TBCD: variants seen among roughly 807,000 people sequenced by gnomAD.
The protein encoded by TBCD is tubulin-specific chaperone D.
A neutral mutation model predicts 169.3 loss-of-function variants in TBCD; 105 were observed. The ratio of observed to expected loss-of-function variants is 0.62; its 90% CI spans 0.53 to 0.73. The LOEUF is 0.73. Ranked by LOEUF, TBCD falls within the 30% of genes least tolerant of loss-of-function variation. The pLI is 0.00. For missense variants in TBCD, 1,444 were observed against 1,600.1 expected (o/e 0.90, Z 1.66); for synonymous variants, 700 against 643.9 (o/e 1.09, Z -1.32).
intron 26 of TBCD, among the ~76,000 whole-genome samples, chr17:82,924,342 T>G (rs10163476): frequency 6.6e-6 from 1 of 152,126 alleles, no homozygotes; most frequent in African/African-American, 2.4e-5. Context: ...TCCTTCTTTA[T>G]GAAAGTAGCA....
At chr17:82,814,757 A>G (rs2051727782) in intron 12 of TBCD, 83 bp from the exon 13 acceptor site, 2 of 1,337,502 alleles carry the variant, frequency 1.5e-6, no homozygotes, top group Non-Finnish European at 2.1e-6. Flanking sequence ...TGGACCTGCC[A>G]GGCTGTGCTC....
Position 82,752,103 on chromosome 17 carries a change from C to T in TBCD, c.-91C>T, listed in dbSNP as rs569401191. On this transcript the variant is annotated 5_prime_UTR_variant, in exon 1 of 39. Transcript: ENST00000355528. ...GCCGCCTTAGCGGGCGCCTCCTTTT[C>T]ATCCCTCATCCTTCATCCCTGGCTT... 18 of 1,325,266 alleles carry T rather than the reference C, an allele frequency of 1.4e-5. No homozygotes were observed. The highest frequency in any genetic ancestry group is 1.8e-5 in the Non-Finnish European group (18 of 1,025,006). The allele number at this position is 1,325,266 out of a possible 1,614,324, so 82.1% of individuals were successfully genotyped here.
chr17:82,778,541 C>T (rs2048741957), intron 6 of TBCD, among the ~76,000 whole-genome samples: 1 of 151,766 alleles, frequency 6.6e-6, no homozygotes, highest in African/African-American at 2.4e-5. Context: ...TTACTGCAAC[C>T]TCCATCTCCT....
At chr17:82,781,483 C>A (rs113137953) in intron 6 of TBCD, 106 bp from the exon 7 acceptor site, 24 of 1,401,588 alleles carry the variant, frequency 1.7e-5, no homozygotes, top group Non-Finnish European at 2.2e-5. Context: ...TGTAAGGGTG[C>A]GTGAGGTGGG....
At position 82,884,565 on chromosome 17, in the gene TBCD, G is replaced by A. The variant is rs180855887; in HGVS notation, c.1533+363G>A. Among the ~76,000 whole-genome samples the A allele has an allele frequency of 2.0e-5, 3 of 152,304 alleles. No homozygotes were observed. The highest frequency in any genetic ancestry group is 1.9e-4 in the East Asian group (1 of 5,188). ...GGTGGCCAGAATGTGGCGGCGGGAC[G>A]GGTCACTCACCGGGTGGCTTTGAGC... On this transcript the variant is annotated intron_variant, in intron 15 of 38. Transcript: ENST00000355528. This position sits in a 1 kb window ranked among gnomAD's most constrained non-coding sequence, Gnocchi z 4.2.
rs573969885 is a variant in TBCD at position 82,925,473 on chromosome 17, C to T, written c.2379+416C>T. On this transcript the variant is annotated intron_variant, in intron 27 of 38. Transcript: ENST00000355528. ...CCAGAGGTCAGCCCCACGCTGGCCTCAGTGACCTGCTCTCTCACGCTTTCC... is the reference window on the plus strand; with the variant it reads ...CCAGAGGTCAGCCCCACGCTGGCCTTAGTGACCTGCTCTCTCACGCTTTCC... Among the ~76,000 whole-genome samples the T allele has an allele frequency of 7.1e-4, 108 of 152,274 alleles. 1 individual carries two copies. Among genetic ancestry groups the T allele is most frequent in the African/African-American group, 2.5e-3 (104 of 41,560 alleles).
intron 8 of TBCD, among the ~76,000 whole-genome samples, chr17:82,800,411 C>T (rs944802192): frequency 4.6e-5 from 7 of 152,152 alleles, no homozygotes; most frequent in African/African-American, 9.7e-5. Context: ...ACAGGAACCC[C>T]GTGGCCTGTG....
rs962363786 is a variant in TBCD, at chr17:82,930,933, T to C, written c.3113+290T>C. Among the ~76,000 whole-genome samples, 1 of 152,194 alleles carries C rather than the reference T, an allele frequency of 6.6e-6. No homozygotes were observed. Among genetic ancestry groups the C allele is most frequent in the African/African-American group, 2.4e-5 (1 of 41,450 alleles). On this transcript the variant is annotated intron_variant, in intron 33 of 38. Coordinates refer to ENST00000355528, the MANE Select transcript of TBCD (RefSeq NM_005993.5). This position sits in a 1 kb window ranked among gnomAD's most constrained non-coding sequence, Gnocchi z 5.2. ...GGTAGTATGAGTACAAGGTGGTCCC[T>C]GTGTGTAGGAAGGCGTTGTGGGAGC...
chr17:82,828,704 A>G (rs1340236779), intron 13 of TBCD, among the ~76,000 whole-genome samples: 1 of 150,990 alleles, frequency 6.6e-6, no homozygotes, highest in Non-Finnish European at 1.5e-5. Flanking sequence ...ACACCCATAC[A>G]TAATGCGCAT....
rs760641255 is a variant in TBCD, at chr17:82,756,167, A to T, written c.187A>T (p.Ile63Leu). ...REVALERFRV[I>L]MDKYQEQPHL... is the part of the protein sequence containing the mutation. ...TTTCATGTTATATTTGTTTTTAGTA[A>T]TAATGGACAAATACCAGGAGCAGCC... The change falls in exon 2 of 39, where the codon ATA becomes TTA. Residue 63 changes from isoleucine (I) to leucine (L), a missense_variant and splice_region_variant. Physicochemically the swap from Ile to Leu is conservative, Grantham distance 5 (BLOSUM62 2). Coordinates refer to ENST00000355528, the MANE Select transcript of TBCD (RefSeq NM_005993.5). 6 of 1,607,574 alleles carry T rather than the reference A, an allele frequency of 3.7e-6. No homozygotes were observed. Among genetic ancestry groups the T allele is most frequent in the Non-Finnish European group, 5.1e-6 (6 of 1,176,710 alleles).
rs2063432005 is a variant in TBCD at position 82,942,889 on chromosome 17, A to G, written c.*426A>G. The G allele has an allele frequency of 3.3e-5, 8 of 239,724 alleles. No homozygotes were observed. Among genetic ancestry groups the G allele is most frequent in the South Asian group, 1.3e-4 (2 of 15,012 alleles). The allele number at this position is 239,724 out of a possible 1,614,324, so 14.8% of individuals were successfully genotyped here. The stretch of plus-strand genomic sequence containing the variant: ...CAGGCAGTGCCCCACCCAGTCTTGG[A>G]GAGAGATGAATGTTAAATCAGAGGT... On this transcript the variant is annotated 3_prime_UTR_variant, in exon 39 of 39. Coordinates refer to ENST00000355528, the MANE Select transcript of TBCD (RefSeq NM_005993.5).
intron 5 of TBCD, among the ~76,000 whole-genome samples, chr17:82,769,978 CTGT>C (rs926452141): frequency 1.3e-5 from 2 of 152,028 alleles, no homozygotes; most frequent in Admixed American, 1.3e-4. Context: ...CTTCATGAGG[CTGT>C]TGACAATTCT....
chr17:82,774,705 C>G (rs1034991789), intron 6 of TBCD, among the ~76,000 whole-genome samples: 1 of 152,164 alleles, frequency 6.6e-6, no homozygotes, highest in Admixed American at 6.5e-5. Flanking sequence ...GTCTACCTGT[C>G]GTTTGTGGTG....
At position 82,939,545 on chromosome 17, in the gene TBCD, C is replaced by A. The variant is rs554732845; in HGVS notation, c.3479+69C>A. 1.5e-4 allele frequency: 182 copies of A among 1,240,562 alleles called. 1 individual carries two copies. The African/African-American group carries it at 2.3e-3, about 16-fold the overall frequency. 76.8% of individuals were successfully genotyped at this position (1,240,562 alleles called of 1,614,324 possible). A position where few individuals can be genotyped will look rare whatever the true frequency, so the allele number is the denominator to read the frequency against. ...GCCCCTCTTCCTGTCCCCACCGTGT[C>A]TACTCGTCTCTCCCAAAACCCTCTG... is the stretch of plus-strand genomic sequence containing the variant. On this transcript the variant is annotated intron_variant, in intron 37 of 38. Coordinates refer to ENST00000355528, the MANE Select transcript of TBCD (RefSeq NM_005993.5).
At chr17:82,815,157 T>A (rs2051775372) in intron 13 of TBCD, among the ~76,000 whole-genome samples, 1 of 152,256 alleles carries the variant, frequency 6.6e-6, no homozygotes, top group Non-Finnish European at 1.5e-5. Flanking sequence ...AAGGTCTGTC[T>A]ACCTTTTTCT....
intron 13 of TBCD, among the ~76,000 whole-genome samples, chr17:82,817,093 G>C (rs1028741677): frequency 5.9e-5 from 9 of 152,066 alleles, no homozygotes; most frequent in African/African-American, 2.2e-4. Context: ...TTGGATATAT[G>C]ATTTGCAAAT....
At chr17:82,817,153 CAG>C (rs2051988109) in intron 13 of TBCD, among the ~76,000 whole-genome samples, 1 of 152,274 alleles carries the variant, frequency 6.6e-6, no homozygotes, top group East Asian at 1.9e-4. Flanking sequence ...GATTGATTGA[CAG>C]AGTCTTGCTC....
chr17:82,886,955 C>T (rs946806926), intron 15 of TBCD, among the ~76,000 whole-genome samples: 1 of 151,712 alleles, frequency 6.6e-6, no homozygotes, highest in African/African-American at 2.4e-5. Context: ...AGACGTGAGC[C>T]ACTGTGCCTG....
chr17:82,820,243 G>T (rs946273259), intron 13 of TBCD, among the ~76,000 whole-genome samples: 8 of 152,184 alleles, frequency 5.3e-5, no homozygotes, highest in South Asian at 2.1e-4. Flanking sequence ...TTCCCAAAGT[G>T]CTGGGATTAC....
Sources: gnomAD v4.1 joint callset for allele counts (sites outside exome capture counted in the v4.1 genomes callset) on GRCh38, gnomAD v4.1.1 for gene constraint, Gnocchi (gnomAD v3.1) non-coding constraint, MANE v1.5 for transcripts, NCBI Gene and HGNC (gene_info 2026-07-23, HGNC 2026-07-21) for gene names.